The following CARMIL2 variants were observed in gnomAD, a reference collection of about 807,000 sequenced individuals.
CARMIL2 encodes capping protein regulator and myosin 1 linker 2.
Under a neutral mutation model 173.3 loss-of-function variants are expected in CARMIL2, and 96 were observed. That is an observed-to-expected ratio of 0.55 (90% CI 0.47 to 0.66). CARMIL2 has a LOEUF of 0.66. Ranked by LOEUF, CARMIL2 falls within the 30% of genes least tolerant of loss-of-function variation. The pLI is 0.00. For missense variants in CARMIL2, 1,771 were observed against 1,906.7 expected, an observed-to-expected ratio of 0.93 and a Z score of 1.33; for synonymous variants, 830 against 817.1, an observed-to-expected ratio of 1.02 and a Z score of -0.27.
Position 67,657,515 on chromosome 16 carries a change from C to T in CARMIL2, c.4305C>T (p.Pro1435=), listed in dbSNP as rs377246132. The T allele has an allele frequency of 1.4e-4, 230 of 1,613,408 alleles. No individual in the cohort carries two copies. The highest frequency in any genetic ancestry group is 1.9e-4 in the Non-Finnish European group (220 of 1,179,690). Residue 1435 remains proline (P), a synonymous_variant, in exon 38 of 38, where the codon CCC becomes CCT. Coordinates refer to ENST00000334583, the MANE Select transcript of CARMIL2 (RefSeq NM_001013838.3). The surrounding 1 kb of genome is among the most constrained non-coding windows in gnomAD (Gnocchi z 4.5). ...ATDQRGGGPN[P] ...ACCAAAGAGGCGGCGGCCCCAATCCCTGATCCTCTCCTCTCCTGCCGCATG... is the reference window on the plus strand; with the variant it reads ...ACCAAAGAGGCGGCGGCCCCAATCCTTGATCCTCTCCTCTCCTGCCGCATG...
rs1387783963 is a variant in CARMIL2, at chr16:67,645,575, G to A, written c.76G>A (p.Glu26Lys). The A allele has an allele frequency of 6.2e-7, 1 of 1,611,950 alleles. No homozygotes were observed. The highest frequency in any genetic ancestry group is 1.7e-5 in the Admixed American group (1 of 59,648). The change falls in exon 2 of 38, where the codon GAG becomes AAG. Residue 26 changes from glutamate (E) to lysine (K), a missense_variant. Glu to Lys is a moderately conservative substitution (Grantham distance 56, BLOSUM62 1). Coordinates refer to ENST00000334583, the MANE Select transcript of CARMIL2 (RefSeq NM_001013838.3). Reference protein sequence around the residue: ...ITRFLWPKEVELLLKTWLPGE... With the variant: ...ITRFLWPKEVKLLLKTWLPGE... ...CAGGTTCCTGTGGCCCAAAGAGGTG[G>A]AGCTGCTGCTGAAAACCTGGCTACC...
chr16:67,647,581 G>T lies in CARMIL2; in HGVS notation c.850G>T (p.Gly284Trp). The T allele has an allele frequency of 6.2e-7, 1 of 1,611,062 alleles. No homozygotes were observed. The highest frequency in any genetic ancestry group is 8.5e-7 in the Non-Finnish European group (1 of 1,178,870). Residue 284 changes from glycine (G) to tryptophan (W), a missense_variant, in exon 11 of 38, where the codon GGG becomes TGG. Physicochemically the swap from Gly to Trp is radical, Grantham distance 184. Coordinates refer to ENST00000334583, the MANE Select transcript of CARMIL2 (RefSeq NM_001013838.3). The part of the protein sequence containing the change: ...SSGLRELSLA[G>W]NLLDDRGMTA... ...TGGGCTGCGGGAGCTCAGCCTCGCG[G>T]GGAACCTGCTGGATGACCGAGGTAT...
rs754498181 is a variant in CARMIL2, at chr16:67,657,224, TTC to T, written c.4118-13_4118-12del. On this transcript the variant is annotated splice_polypyrimidine_tract_variant and intron_variant, in intron 36 of 37. Transcript: ENST00000334583. This position sits in a 1 kb window ranked among gnomAD's most constrained non-coding sequence, Gnocchi z 4.5. Reference sequence around the variant, plus strand: ...AGCCTTAGCAACCCACCCCAAGCCTTTCTGTGTCCCTTAGAACGGCCCCTGAG... The same window carrying T: ...AGCCTTAGCAACCCACCCCAAGCCTTTGTGTCCCTTAGAACGGCCCCTGAG... 6.2e-7 allele frequency: 1 copy of T among 1,612,952 alleles called. No individual in the cohort carries two copies. Among genetic ancestry groups the T allele is most frequent in the Non-Finnish European group, 8.5e-7 (1 of 1,179,398 alleles).
rs550416944 is a variant in CARMIL2 at position 67,646,486 on chromosome 16, C to T, written c.435C>T (p.Pro145=). The T allele has an allele frequency of 1.2e-6, 2 of 1,613,480 alleles. No individual in the cohort carries two copies. The highest frequency in any genetic ancestry group is 3.3e-5 in the Admixed American group (2 of 60,002). The change falls in exon 6 of 38, where the codon CCC becomes CCT. Residue 145 remains proline, a synonymous_variant. Coordinates refer to ENST00000334583, the MANE Select transcript of CARMIL2 (RefSeq NM_001013838.3). The surrounding 1 kb of genome is among the most constrained non-coding windows in gnomAD (Gnocchi z 4.6). ...SMLARLERSS[P]SESTDPCSPC... Reference sequence around the variant, plus strand: ...TGGCTCGGCTGGAGAGAAGCAGCCCCTCGGAGTCCACTGACCCCTGCAGCC... The same window carrying T: ...TGGCTCGGCTGGAGAGAAGCAGCCCTTCGGAGTCCACTGACCCCTGCAGCC...
intron 12 of CARMIL2, 25 bp from the exon 13 acceptor site, chr16:67,647,821 C>G: frequency 6.3e-7 from 1 of 1,588,400 alleles, no homozygotes; most frequent in South Asian, 1.1e-5. Context: ...TGTCCAACTG[C>G]TGAGTGACCC....
At position 67,652,114 on chromosome 16, in the gene CARMIL2, G is replaced by T; in HGVS notation, c.2677-85G>T. Reference sequence around the variant, plus strand: ...ATGTCTTCTGGGGTCATGTAGCCCAGGGCTATTTCAGGGTCCCCTTAGTTA... The same window carrying T: ...ATGTCTTCTGGGGTCATGTAGCCCATGGCTATTTCAGGGTCCCCTTAGTTA... On this transcript the variant is annotated intron_variant, in intron 26 of 37. Coordinates refer to ENST00000334583, the MANE Select transcript of CARMIL2 (RefSeq NM_001013838.3). This position sits in a 1 kb window ranked among gnomAD's most constrained non-coding sequence, Gnocchi z 4.7. The T allele has an allele frequency of 6.3e-7, 1 of 1,597,360 alleles. No homozygotes were observed.
rs1308970516 is a variant in CARMIL2 at position 67,649,540 on chromosome 16, C to G, written c.1840C>G (p.Leu614Val). The change falls in exon 20 of 38, where the codon CTG (leucine) becomes GTG (valine). Residue 614 changes from leucine to valine, a missense_variant. Leu to Val is a conservative substitution (Grantham distance 32). Transcript: ENST00000334583. The surrounding 1 kb of genome is among the most constrained non-coding windows in gnomAD (Gnocchi z 6.7). ...ALATNPNLTALDISGNAMGDA... is the reference protein window; with the variant it reads ...ALATNPNLTAVDISGNAMGDA... ...AGCCACCAATCCTAACCTGACCGCG[C>G]TGGATATCAGCGGCAACGCCATGGG... 1.9e-6 allele frequency: 3 copies of G among 1,605,736 alleles called. No individual in the cohort carries two copies. In the African/African-American group the frequency reaches 4.0e-5, roughly 21 times the overall value.
At chr16:67,647,242 G>C in intron 9 of CARMIL2, 51 bp downstream of exon 9, 1 of 1,611,822 alleles carries the variant, frequency 6.2e-7, no homozygotes, top group Non-Finnish European at 8.5e-7. Context: ...GTGGGCCAGG[G>C]TGCAGCCCGC....
chr16:67,657,453 T>A lies in CARMIL2; in HGVS notation c.4243T>A (p.Ser1415Thr). ...EPLPPQPTEP[S>T]SPERSPPSPA... ...TCTGCCCCCACAGCCCACAGAGCCC[T>A]CCAGCCCTGAGCGGAGCCCACCCTC... is the stretch of plus-strand genomic sequence containing the variant. Residue 1415 changes from serine to threonine, a missense_variant, in exon 38 of 38, where the codon TCC (serine) becomes ACC (threonine). Ser to Thr is a moderately conservative substitution (Grantham distance 58). Coordinates refer to ENST00000334583, the MANE Select transcript of CARMIL2 (RefSeq NM_001013838.3). This position sits in a 1 kb window ranked among gnomAD's most constrained non-coding sequence, Gnocchi z 4.5. 6.2e-7 allele frequency: 1 copy of A among 1,610,566 alleles called. No individual in the cohort carries two copies. The highest frequency in any genetic ancestry group is 8.5e-7 in the Non-Finnish European group (1 of 1,178,622).
At position 67,653,571 on chromosome 16, in the gene CARMIL2, T is replaced by TGCCGGGCA. The variant is rs940188359; in HGVS notation, c.3120+324_3120+331dup. Among the ~76,000 whole-genome samples the TGCCGGGCA allele has an allele frequency of 6.6e-6, 1 of 152,100 alleles. No homozygotes were observed. The highest frequency in any genetic ancestry group is 6.5e-5 in the Admixed American group (1 of 15,288). On this transcript the variant is annotated intron_variant, in intron 29 of 37. Transcript: ENST00000334583. The surrounding 1 kb of genome is among the most constrained non-coding windows in gnomAD (Gnocchi z 7.4). Reference sequence around the variant, plus strand: ...TCCCTCCCCCGGGGCTGCTGAGAGATGCCGGGCAGCCGGGTAGCCGAGCCG... The same window carrying TGCCGGGCA: ...TCCCTCCCCCGGGGCTGCTGAGAGATGCCGGGCAGCCGGGCAGCCGGGTAGCCGAGCCG...
intron 29 of CARMIL2, 67 bp from the exon 30 acceptor site, chr16:67,654,080 CGG>C (rs548114769): frequency 0.18 from 97,612 of 543,974 alleles, 198 homozygotes; most frequent in South Asian, 0.23. Context: ...GGCTGCCGGC[CGG>C]GGGGGGGGGG....
rs544130479 is a variant in CARMIL2, at chr16:67,647,304, T to C, written c.693T>C (p.Leu231=). The change falls in exon 10 of 38, where the codon CTT becomes CTC. Residue 231 remains leucine (L), a synonymous_variant. Transcript: ENST00000334583. ...CGCCGCCCTCTGCTTCTCAGAGCCT[T>C]GAGGTCTCAGAACAGATTCTGCACA... ...CLSCVDMKLS[L]EVSEQILHMM... is the part of the protein sequence containing the mutation. 9 of 1,603,478 alleles carry C rather than the reference T, an allele frequency of 5.6e-6. No homozygotes were observed. In the South Asian group the frequency reaches 1.0e-4, roughly 18 times the overall value.
Position 67,646,584 on chromosome 16 carries a change from C to G in CARMIL2, c.466+67C>G, listed in dbSNP as rs2052598211. 6.3e-6 allele frequency: 10 copies of G among 1,584,148 alleles called. No individual in the cohort carries two copies. The highest frequency in any genetic ancestry group is 7.8e-6 in the Non-Finnish European group (9 of 1,157,012). On this transcript the variant is annotated intron_variant, in intron 6 of 37. Transcript: ENST00000334583. This position sits in a 1 kb window ranked among gnomAD's most constrained non-coding sequence, Gnocchi z 4.6. ...ACCTCTGCCTCCCCAGACCCGCAAGCTGGGGGGGCCCCAAACTGAACAGAG... is the reference window on the plus strand; with the variant it reads ...ACCTCTGCCTCCCCAGACCCGCAAGGTGGGGGGGCCCCAAACTGAACAGAG...
intron 29 of CARMIL2, 67 bp from the exon 30 acceptor site, chr16:67,654,082 G>GC (rs1240407206): frequency 2.9e-5 from 6 of 208,992 alleles, no homozygotes; most frequent in African/African-American, 4.3e-5. Context: ...CTGCCGGCCG[G>GC]GGGGGGGGGG....
chr16:67,656,988 GA>G, intron 36 of CARMIL2, 107 bp downstream of exon 36: 1 of 931,368 alleles, frequency 1.1e-6, no homozygotes, highest in Non-Finnish European at 1.6e-6. Context: ...ACCAGTGTGT[GA>G]GGTCTCAAGA....
In CARMIL2 at chr16:67,651,851, C is replaced by G. The variant is rs767554938; in HGVS notation, c.2588+6C>G. On this transcript the variant is annotated splice_donor_region_variant and intron_variant, in intron 25 of 37. Transcript: ENST00000334583. This position sits in a 1 kb window ranked among gnomAD's most constrained non-coding sequence, Gnocchi z 4.2. ...GATGCCTTCACTAGGCTCAGGTAGG[C>G]TGGATGGGGCTGGGCTGGGCAAGGC... 12 of 1,612,516 alleles carry G rather than the reference C, an allele frequency of 7.4e-6. No individual in the cohort carries two copies. The South Asian group carries it at 1.3e-4, about 18-fold the overall frequency.
Position 67,649,324 on chromosome 16 carries a change from G to A in CARMIL2, c.1746+13G>A. The A allele has an allele frequency of 6.2e-7, 1 of 1,611,122 alleles. No individual in the cohort carries two copies. The highest frequency in any genetic ancestry group is 8.5e-7 in the Non-Finnish European group (1 of 1,179,582). ...GGACGACGATTGTGTGAGTTCACGG[G>A]ACCTTGCAGGGCCTCGGGCAATTAG... On this transcript the variant is annotated intron_variant, in intron 19 of 37. Transcript: ENST00000334583. This position sits in a 1 kb window ranked among gnomAD's most constrained non-coding sequence, Gnocchi z 6.7.
At position 67,648,662 on chromosome 16, in the gene CARMIL2, C is replaced by G; in HGVS notation, c.1440-23C>G. On this transcript the variant is annotated intron_variant, in intron 15 of 37. Transcript: ENST00000334583. This position sits in a 1 kb window ranked among gnomAD's most constrained non-coding sequence, Gnocchi z 6.1. ...GAGCCCCCTGTCCCAGCTCCCGCCA[C>G]CCCGTGTAACGTCCTCTCCCAGAGC... 3 of 1,593,424 alleles carry G rather than the reference C, an allele frequency of 1.9e-6. No individual in the cohort carries two copies. Among genetic ancestry groups the G allele is most frequent in the South Asian group, 2.3e-5 (2 of 87,866 alleles).
Position 67,652,487 on chromosome 16 carries a change from C to T in CARMIL2, c.2833C>T (p.Gln945Ter), listed in dbSNP as rs1199532471. 2 of 1,613,630 alleles carry T rather than the reference C, an allele frequency of 1.2e-6. No homozygotes were observed. Among genetic ancestry groups the T allele is most frequent in the Admixed American group, 3.3e-5 (2 of 59,996 alleles). The change falls in exon 28 of 38, where the codon CAG (glutamine) becomes TAG (stop). Residue 945 changes from glutamine to a stop codon, truncating the protein, a stop_gained. Coordinates refer to ENST00000334583, the MANE Select transcript of CARMIL2 (RefSeq NM_001013838.3). LOFTEE classifies it high-confidence loss of function. The surrounding 1 kb of genome is among the most constrained non-coding windows in gnomAD (Gnocchi z 4.7). ...EEKEKDDSPP[Q>*]KWPELSHGLH... ...TCCCCACCAGGATGACAGTCCTCCA[C>T]AGAAATGGCCTGAGCTCAGCCACGG...
Sources: gnomAD v4.1 joint callset for allele counts (sites outside exome capture counted in the v4.1 genomes callset) on GRCh38, gnomAD v4.1.1 for gene constraint, Gnocchi (gnomAD v3.1) non-coding constraint, MANE v1.5 for transcripts, NCBI Gene and HGNC (gene_info 2026-07-23, HGNC 2026-07-21) for gene names.